Variants in CYRIA observed in about 807,000 individuals in gnomAD.
CYRIA encodes CYFIP related Rac1 interactor A.
A neutral mutation model predicts 43.9 loss-of-function variants in CYRIA; 15 were observed. The observed-to-expected ratio is 0.34, with a 90% CI of 0.23 to 0.53. CYRIA has a LOEUF of 0.53. Among genes scored for constraint, CYRIA ranks in the 20% least tolerant of loss-of-function variants. The pLI is 0.94. For missense variants in CYRIA, 236 were observed against 394.2 expected, an observed-to-expected ratio of 0.60 and a Z score of 3.40; for synonymous variants, 117 against 136.0, an observed-to-expected ratio of 0.86 and a Z score of 0.97.
chr2:16,601,730 A>C (rs1275700859), intron 2 of CYRIA, among the ~76,000 whole-genome samples: 1 of 150,764 alleles, frequency 6.6e-6, no homozygotes, highest in Non-Finnish European at 1.5e-5. Context: ...AAAAAAAGAG[A>C]GAATTCATAT....
At chr2:16,585,916 A>T (rs1481431566) in intron 3 of CYRIA, among the ~76,000 whole-genome samples, 1 of 152,118 alleles carries the variant, frequency 6.6e-6, no homozygotes, top group Non-Finnish European at 1.5e-5. Context: ...TGCAAATTCT[A>T]CTTGGATCAA....
chr2:16,603,832 G>A (rs1272878717), intron 2 of CYRIA, among the ~76,000 whole-genome samples: 1 of 152,150 alleles, frequency 6.6e-6, no homozygotes, highest in Non-Finnish European at 1.5e-5. Context: ...GCCCTCCAAG[G>A]CAAAATGAGA....
intron 3 of CYRIA, among the ~76,000 whole-genome samples, chr2:16,574,474 G>A (rs779082018): frequency 2.6e-5 from 4 of 152,214 alleles, no homozygotes; most frequent in Non-Finnish European, 5.9e-5. Flanking sequence ...ACAACAATGG[G>A]GAAAATGTCT....
chr2:16,654,432 C>T (rs989541616), intron 1 of CYRIA, among the ~76,000 whole-genome samples: 1 of 152,074 alleles, frequency 6.6e-6, no homozygotes, highest in Non-Finnish European at 1.5e-5. Flanking sequence ...AGAAATCAAG[C>T]TATGATCATA....
chr2:16,659,803 T>C (rs1283573873), intron 1 of CYRIA, among the ~76,000 whole-genome samples: 1 of 152,220 alleles, frequency 6.6e-6, no homozygotes, highest in Non-Finnish European at 1.5e-5. Context: ...CAAATAATGA[T>C]TTTTAAAAAG....
At chr2:16,644,661 G>A (rs1360568505) in intron 1 of CYRIA, among the ~76,000 whole-genome samples, 1 of 152,184 alleles carries the variant, frequency 6.6e-6, no homozygotes, top group Non-Finnish European at 1.5e-5. Flanking sequence ...CTCTGATTAA[G>A]TCAGAAATTA....
chr2:16,562,926 C>G (rs1257285491), intron 5 of CYRIA, among the ~76,000 whole-genome samples: 5 of 152,136 alleles, frequency 3.3e-5, no homozygotes, highest in African/African-American at 1.2e-4. Flanking sequence ...CAGGACGGCC[C>G]ACAACTCTAA....
At chr2:16,561,656 C>G (rs1291928589) in intron 6 of CYRIA, 123 bp from the exon 7 acceptor site, 1 of 739,898 alleles carries the variant, frequency 1.4e-6, no homozygotes, top group Non-Finnish European at 2.2e-6. Context: ...ACATAAGAGT[C>G]AAAGCAACTT....
intron 2 of CYRIA, among the ~76,000 whole-genome samples, chr2:16,589,505 G>A (rs1013917354): frequency 4.6e-5 from 7 of 152,038 alleles, no homozygotes; most frequent in African/African-American, 7.2e-5. Context: ...TTAGATGGCC[G>A]GTGTCTAATT....
intron 11 of CYRIA, among the ~76,000 whole-genome samples, chr2:16,553,279 G>A (rs1171624855): frequency 6.6e-6 from 1 of 152,104 alleles, no homozygotes; most frequent in Non-Finnish European, 1.5e-5. Context: ...GATTTCACAG[G>A]ATTGAGTGCA....
At chr2:16,651,928 T>C (rs1366087183) in intron 1 of CYRIA, among the ~76,000 whole-genome samples, 1 of 152,172 alleles carries the variant, frequency 6.6e-6, no homozygotes, top group Non-Finnish European at 1.5e-5. Context: ...GGTTTATCTG[T>C]CAGAACAACC....
chr2:16,570,001 G>T (rs542500513), intron 3 of CYRIA, among the ~76,000 whole-genome samples: 3 of 152,034 alleles, frequency 2.0e-5, no homozygotes, highest in South Asian at 2.1e-4. Flanking sequence ...GATCTTTTGA[G>T]AAGGCCATTG....
intron 3 of CYRIA, among the ~76,000 whole-genome samples, chr2:16,569,509 TG>T (rs1667054101): frequency 6.6e-6 from 1 of 152,216 alleles, no homozygotes; most frequent in African/African-American, 2.4e-5. Flanking sequence ...GTCATGAAAC[TG>T]AAGTCACCTC....
intron 4 of CYRIA, among the ~76,000 whole-genome samples, chr2:16,564,359 T>C (rs988941768): frequency 1.3e-5 from 2 of 152,176 alleles, no homozygotes; most frequent in African/African-American, 2.4e-5. Flanking sequence ...AATTCACATC[T>C]AAATTGGAAG....
At chr2:16,609,529 T>A (rs913660157) in intron 2 of CYRIA, among the ~76,000 whole-genome samples, 1 of 152,196 alleles carries the variant, frequency 6.6e-6, no homozygotes, top group African/African-American at 2.4e-5. Flanking sequence ...TTTTCCACAA[T>A]CTGCATAGAT....
intron 1 of CYRIA, among the ~76,000 whole-genome samples, chr2:16,644,875 G>A (rs919369030): frequency 3.3e-5 from 5 of 152,210 alleles, no homozygotes; most frequent in East Asian, 1.9e-4. Flanking sequence ...CCCCACACAC[G>A]GAGCCACAAC....
chr2:16,602,791 A>G (rs1668255698), intron 2 of CYRIA, among the ~76,000 whole-genome samples: 1 of 152,218 alleles, frequency 6.6e-6, no homozygotes, highest in South Asian at 2.1e-4. Flanking sequence ...CCATTAATAC[A>G]AAGAGTAAAT....
chr2:16,607,407 T>C (rs1046372111), intron 2 of CYRIA, among the ~76,000 whole-genome samples: 1 of 152,168 alleles, frequency 6.6e-6, no homozygotes, highest in Non-Finnish European at 1.5e-5. Context: ...ATGGTTAGCA[T>C]AAACGCCTGC....
intron 3 of CYRIA, among the ~76,000 whole-genome samples, chr2:16,580,587 G>T (rs769665522): frequency 2.7e-4 from 41 of 152,236 alleles, no homozygotes; most frequent in Non-Finnish European, 5.6e-4. Context: ...CCATAGATTT[G>T]ATGCAATTAT....
Sources: gnomAD v4.1 joint callset for allele counts (sites outside exome capture counted in the v4.1 genomes callset) on GRCh38, gnomAD v4.1.1 for gene constraint, MANE v1.5 for transcripts, NCBI Gene and HGNC (gene_info 2026-07-23, HGNC 2026-07-21) for gene names.